ARHGAP32: variants seen among roughly 807,000 people sequenced by gnomAD.
ARHGAP32 encodes the protein Rho GTPase activating protein 32.
In ARHGAP32, 51 loss-of-function variants were observed where a neutral mutation model predicts 186.5. That is an observed-to-expected ratio of 0.27 (90% CI 0.22 to 0.35). The LOEUF is 0.35. ARHGAP32 is among the 10% of genes least tolerant of loss of function. The pLI, the probability that ARHGAP32 is intolerant of heterozygous loss-of-function variation, is 1.00. For missense variants in ARHGAP32, 2,186 were observed against 2,623.5 expected (o/e 0.83, Z 3.64); for synonymous variants, 950 against 964.3 (o/e 0.99, Z 0.27).
chr11:129,012,970 C>CTCACTAG (rs1938156232), intron 11 of ARHGAP32, among the ~76,000 whole-genome samples: 1 of 152,120 alleles, frequency 6.6e-6, no homozygotes, highest in African/African-American at 2.4e-5. Flanking sequence ...ACAATAACAC[C>CTCACTAG]TCACTAGTCA....
chr11:129,048,976 G>A (rs1939926373), intron 10 of ARHGAP32, among the ~76,000 whole-genome samples: 1 of 152,040 alleles, frequency 6.6e-6, no homozygotes, highest in Admixed American at 6.6e-5. Flanking sequence ...TTCTAAAACA[G>A]AGCAGTGCAA....
chr11:129,252,504 A>G (rs890792600), intron 1 of ARHGAP32, among the ~76,000 whole-genome samples: 3 of 152,328 alleles, frequency 2.0e-5, no homozygotes, highest in Admixed American at 6.5e-5. Context: ...CTTCTTAACT[A>G]AACACACACA....
At chr11:129,078,484 GA>G (rs1274465570) in intron 6 of ARHGAP32, among the ~76,000 whole-genome samples, 2 of 152,116 alleles carry the variant, frequency 1.3e-5, no homozygotes, top group Non-Finnish European at 2.9e-5. Flanking sequence ...AAATAATTCA[GA>G]AGGCTAATTA....
intron 10 of ARHGAP32, among the ~76,000 whole-genome samples, chr11:129,049,999 A>G (rs1939975099): frequency 6.6e-6 from 1 of 152,232 alleles, no homozygotes; most frequent in Admixed American, 6.5e-5. Flanking sequence ...ATTTATATCA[A>G]CTAGCCAATG....
At chr11:128,977,865 T>G (rs1043544061) in intron 19 of ARHGAP32, among the ~76,000 whole-genome samples, 2 of 145,574 alleles carry the variant, frequency 1.4e-5, no homozygotes, top group African/African-American at 2.5e-5. Flanking sequence ...TTATTATTAT[T>G]ATTATTATTA....
At chr11:129,258,282 T>C (rs576658341) in intron 1 of ARHGAP32, among the ~76,000 whole-genome samples, 6 of 152,264 alleles carry the variant, frequency 3.9e-5, no homozygotes, top group Admixed American at 1.3e-4. Context: ...AAAAGATACA[T>C]TGATCAACCC....
chr11:129,221,494 T>TGTG (rs1944709941), intron 1 of ARHGAP32, among the ~76,000 whole-genome samples: 1 of 68,596 alleles, frequency 1.5e-5, no homozygotes, highest in Admixed American at 1.6e-4. Flanking sequence ...TGTGTGTGTG[T>TGTG]GTGTGTGTGT....
intron 1 of ARHGAP32, among the ~76,000 whole-genome samples, chr11:129,234,108 A>C (rs757921165): frequency 2.6e-5 from 4 of 152,130 alleles, no homozygotes; most frequent in Admixed American, 2.6e-4. Context: ...AATATCTCAA[A>C]ATTTTTTTAA....
At chr11:129,246,032 G>A (rs986444952) in intron 1 of ARHGAP32, among the ~76,000 whole-genome samples, 1 of 152,108 alleles carries the variant, frequency 6.6e-6, no homozygotes, top group African/African-American at 2.4e-5. Context: ...CAATAGATTA[G>A]CTATTCATTA....
intron 20 of ARHGAP32, 146 bp downstream of exon 20, chr11:128,976,417 T>C: frequency 1.7e-6 from 1 of 586,718 alleles, no homozygotes; most frequent in Non-Finnish European, 2.9e-6. Context: ...AATTTTAATC[T>C]GAATAATACT....
chr11:129,067,688 T>A (rs1388068388), intron 6 of ARHGAP32, among the ~76,000 whole-genome samples: 1 of 152,038 alleles, frequency 6.6e-6, no homozygotes, highest in African/African-American at 2.4e-5. Context: ...GTATAGCATA[T>A]AGTTTTGCAA....
rs189778660 is a variant in ARHGAP32, at chr11:128,966,929, G to A, written c.*1978C>T. 16 of 152,322 alleles carry A rather than the reference G, an allele frequency of 1.1e-4. No homozygotes were observed. Among genetic ancestry groups the A allele is most frequent in the Admixed American group, 9.1e-4 (14 of 15,304 alleles). 9.4% of individuals were successfully genotyped at this position (152,322 alleles called of 1,614,324 possible). A position where few individuals can be genotyped will look rare whatever the true frequency, so the allele number is the denominator to read the frequency against. On this transcript the variant is annotated 3_prime_UTR_variant, in exon 23 of 23. Coordinates refer to ENST00000682385, the MANE Select transcript of ARHGAP32 (RefSeq NM_001378024.1). ...TACTCCTGTATGTAGCACCCAGGGT[G>A]TTTTTGTGCCAAAGGGAAGTATCCT...
chr11:129,133,665 A>G (rs962711226), intron 2 of ARHGAP32, among the ~76,000 whole-genome samples: 1 of 152,206 alleles, frequency 6.6e-6, no homozygotes, highest in African/African-American at 2.4e-5. Context: ...AAGTGACAAT[A>G]TCCTTCAGAA....
intron 2 of ARHGAP32, chr11:129,125,983 A>G (rs1942650264): frequency 7.0e-6 from 3 of 428,816 alleles, no homozygotes; most frequent in Admixed American, 5.8e-5. Flanking sequence ...GAAACTTTTT[A>G]TAAATATGAG....
chr11:129,162,623 T>C (rs1364564134), intron 2 of ARHGAP32, among the ~76,000 whole-genome samples: 1 of 152,140 alleles, frequency 6.6e-6, no homozygotes, highest in Non-Finnish European at 1.5e-5. Flanking sequence ...TTGGTAAAAA[T>C]ATGTGTGGAA....
In ARHGAP32 at chr11:129,064,065, C is replaced by G. The variant is rs746946464; in HGVS notation, c.763-41G>C. 3.9e-6 allele frequency: 6 copies of G among 1,527,798 alleles called. No homozygotes were observed. In the African/African-American group the frequency reaches 5.6e-5, roughly 14 times the overall value. The allele number at this position is 1,527,798 out of a possible 1,614,324, so 94.6% of individuals were successfully genotyped here. A position where few individuals can be genotyped will look rare whatever the true frequency, so the allele number is the denominator to read the frequency against. On this transcript the variant is annotated intron_variant, in intron 8 of 22. Coordinates refer to ENST00000682385, the MANE Select transcript of ARHGAP32 (RefSeq NM_001378024.1). ...TGTACTATGAGATAAAGACACTGGA[C>G]TTGCAAATGCTTCTTTGACTATCTA...
chr11:129,105,606 T>C (rs1027763671), intron 5 of ARHGAP32, among the ~76,000 whole-genome samples: 1 of 151,646 alleles, frequency 6.6e-6, no homozygotes, highest in Non-Finnish European at 1.5e-5. Context: ...TAAAACAGTT[T>C]GGAAAAAAAA....
At chr11:129,050,887 T>A (rs1467418962) in intron 10 of ARHGAP32, among the ~76,000 whole-genome samples, 1 of 152,190 alleles carries the variant, frequency 6.6e-6, no homozygotes, top group Non-Finnish European at 1.5e-5. Flanking sequence ...TGAGAACACG[T>A]GGTGTTTGGT....
At chr11:129,246,049 T>C (rs1273563946) in intron 1 of ARHGAP32, among the ~76,000 whole-genome samples, 1 of 152,222 alleles carries the variant, frequency 6.6e-6, no homozygotes, top group Admixed American at 6.5e-5. Flanking sequence ...ATTAAACATT[T>C]ATTTATAGCT....
Sources: allele counts gnomAD v4.1 joint callset (sites outside exome capture counted in the v4.1 genomes callset), GRCh38; gene constraint gnomAD v4.1.1; transcripts MANE v1.5; gene names NCBI Gene and HGNC (gene_info 2026-07-23, HGNC 2026-07-21).